RNF144A: variants seen among roughly 807,000 people sequenced by gnomAD.
RNF144A encodes ring finger protein 144A, also known as E3 ubiquitin-protein ligase RNF144A.
In RNF144A, 11 loss-of-function variants were observed where a neutral mutation model predicts 38.7. The ratio of observed to expected loss-of-function variants is 0.28; its 90% CI spans 0.18 to 0.47. RNF144A has a LOEUF of 0.47. Among genes scored for constraint, RNF144A ranks in the 20% least tolerant of loss-of-function variants. The pLI is 0.99. For synonymous variants in RNF144A, 149 were observed against 143.9 expected (o/e 1.04, Z -0.25); for missense variants, 316 against 377.2 (o/e 0.84, Z 1.34).
At chr2:6,988,688 G>A (rs1413235694) in intron 2 of RNF144A, among the ~76,000 whole-genome samples, 2 of 152,150 alleles carry the variant, frequency 1.3e-5, no homozygotes, top group Non-Finnish European at 2.9e-5. Context: ...CTTTTCACGT[G>A]TGTGAGCTCC....
chr2:6,934,690 A>G (rs772035119), intron 1 of RNF144A, among the ~76,000 whole-genome samples: 1 of 152,080 alleles, frequency 6.6e-6, no homozygotes, highest in Non-Finnish European at 1.5e-5. Flanking sequence ...AAAACTGTTT[A>G]GTGAATAACC....
intron 6 of RNF144A, among the ~76,000 whole-genome samples, chr2:7,067,593 A>G (rs566692178): frequency 6.6e-6 from 1 of 152,296 alleles, no homozygotes; most frequent in African/African-American, 2.4e-5. Context: ...TGTTGGAACT[A>G]TCAAGTCCCA....
chr2:7,066,478 C>T (rs1332324087), intron 6 of RNF144A, among the ~76,000 whole-genome samples: 1 of 152,166 alleles, frequency 6.6e-6, no homozygotes, highest in East Asian at 1.9e-4. Context: ...TTACTTTTGC[C>T]TCCTACCCGA....
downstream of RNF144A, among the ~76,000 whole-genome samples, chr2:7,046,169 C>T (rs985791322): frequency 1.3e-5 from 2 of 152,204 alleles, no homozygotes; most frequent in Admixed American, 1.3e-4. Flanking sequence ...GCTGATGTGG[C>T]TCGACCACAA....
At chr2:6,931,956 A>G (rs984915183) in intron 1 of RNF144A, among the ~76,000 whole-genome samples, 7 of 152,140 alleles carry the variant, frequency 4.6e-5, no homozygotes, top group African/African-American at 1.7e-4. Flanking sequence ...ATTCAGTTCA[A>G]CTATGTTCTT....
intron 2 of RNF144A, among the ~76,000 whole-genome samples, chr2:6,948,219 G>T (rs888722640): frequency 6.6e-6 from 1 of 152,214 alleles, no homozygotes; most frequent in East Asian, 1.9e-4. Flanking sequence ...CTGCAGGGCT[G>T]CAGGAATTTG....
intron 2 of RNF144A, among the ~76,000 whole-genome samples, chr2:6,956,782 A>G (rs1176725395): frequency 2.6e-5 from 4 of 152,176 alleles, no homozygotes; most frequent in Admixed American, 6.5e-5. Flanking sequence ...TCCCTCATAC[A>G]TTATCTGATA....
chr2:7,045,903 C>G (rs1288861570), downstream of RNF144A, among the ~76,000 whole-genome samples: 1 of 39,804 alleles, frequency 2.5e-5, no homozygotes, highest in African/African-American at 8.6e-5. Flanking sequence ...GTAGGAATTG[C>G]CCCCCAGAAA....
intron 8 of RNF144A, among the ~76,000 whole-genome samples, chr2:7,036,315 C>T (rs1672673621): frequency 6.6e-6 from 1 of 152,216 alleles, no homozygotes; most frequent in East Asian, 1.9e-4. Context: ...TTCTTTACCC[C>T]AGTCCATCTT....
chr2:7,017,819 A>G (rs557604052), intron 5 of RNF144A, among the ~76,000 whole-genome samples: 1 of 152,330 alleles, frequency 6.6e-6, no homozygotes, highest in South Asian at 2.1e-4. Flanking sequence ...AGGGTGTGAC[A>G]TGCCCCGGCA....
chr2:7,041,651 G>C lies in RNF144A; in HGVS notation c.*1891G>C. 8 of 985,584 alleles carry C rather than the reference G, an allele frequency of 8.1e-6. No homozygotes were observed. Among genetic ancestry groups the C allele is most frequent in the Non-Finnish European group, 9.6e-6 (8 of 829,966 alleles). 61.1% of individuals were successfully genotyped at this position (985,584 alleles called of 1,614,324 possible). On this transcript the variant is annotated 3_prime_UTR_variant, in exon 9 of 9. Coordinates refer to ENST00000320892, the MANE Select transcript of RNF144A (RefSeq NM_014746.6). ...CTTGAGCCCTCAGCCTGTGATATGT[G>C]GATGCAGCTGTCCAGCCACTGCCCT...
At chr2:7,031,734 A>G (rs1672313723) in intron 8 of RNF144A, among the ~76,000 whole-genome samples, 1 of 152,228 alleles carries the variant, frequency 6.6e-6, no homozygotes, top group Non-Finnish European at 1.5e-5. Context: ...ACAATCTTAA[A>G]TGCCGACCAC....
chr2:7,044,162 A>C lies in RNF144A; in HGVS notation c.*4402A>C. The C allele has an allele frequency of 1.0e-6, 1 of 985,728 alleles. No individual in the cohort carries two copies. The highest frequency in any genetic ancestry group is 1.2e-6 in the Non-Finnish European group (1 of 829,938). The allele number at this position is 985,728 out of a possible 1,614,324, so 61.1% of individuals were successfully genotyped here. A position where few individuals can be genotyped will look rare whatever the true frequency, so the allele number is the denominator to read the frequency against. On this transcript the variant is annotated 3_prime_UTR_variant, in exon 9 of 9. Coordinates refer to ENST00000320892, the MANE Select transcript of RNF144A (RefSeq NM_014746.6). ...TTTTTAAAGCTATTTTGGCTGGAAT[A>C]CAGGTGACTTTTGTAAACCCCGCGT... is the stretch of plus-strand genomic sequence containing the variant.
chr2:7,041,252 T>G lies in RNF144A; in HGVS notation c.*1492T>G. The G allele has an allele frequency of 1.0e-6, 1 of 985,712 alleles. No individual in the cohort carries two copies. Among genetic ancestry groups the G allele is most frequent in the Non-Finnish European group, 1.2e-6 (1 of 829,930 alleles). The allele number at this position is 985,712 out of a possible 1,614,324, so 61.1% of individuals were successfully genotyped here. Reference sequence around the variant, plus strand: ...CAAGCACATTTTTAAAATGTTGCTTTGTGTGTGTTTGACTTCTGCATTTGA... The same window carrying G: ...CAAGCACATTTTTAAAATGTTGCTTGGTGTGTGTTTGACTTCTGCATTTGA... On this transcript the variant is annotated 3_prime_UTR_variant, in exon 9 of 9. Transcript: ENST00000320892.
At chr2:6,997,675 G>T (rs1436216949) in intron 3 of RNF144A, among the ~76,000 whole-genome samples, 1 of 152,064 alleles carries the variant, frequency 6.6e-6, no homozygotes, top group African/African-American at 2.4e-5. Flanking sequence ...AGTGTGTGAG[G>T]TTTACTTTTA....
intron 2 of RNF144A, among the ~76,000 whole-genome samples, chr2:6,990,473 AATAT>A: frequency 1.4e-5 from 1 of 72,596 alleles, no homozygotes; most frequent in Non-Finnish European, 3.0e-5. Context: ...TATAACATAT[AATAT>A]ATATAGCATA....
chr2:6,922,856 T>C (rs1025714110), intron 1 of RNF144A, among the ~76,000 whole-genome samples: 6 of 150,796 alleles, frequency 4.0e-5, no homozygotes, highest in African/African-American at 1.5e-4. Context: ...GATCTCCTGA[T>C]CTCATGATCC....
intron 6 of RNF144A, among the ~76,000 whole-genome samples, chr2:7,063,711 A>G (rs1325754821): frequency 6.6e-6 from 1 of 152,136 alleles, no homozygotes; most frequent in Non-Finnish European, 1.5e-5. Context: ...AAAAAATGGG[A>G]GTAGAGAGCA....
At chr2:7,065,830 C>T (rs917192800) in intron 6 of RNF144A, among the ~76,000 whole-genome samples, 2 of 152,174 alleles carry the variant, frequency 1.3e-5, no homozygotes, top group Admixed American at 6.5e-5. Context: ...GAAAAGACTA[C>T]GAAAGTTACT....
Sources: allele counts gnomAD v4.1 joint callset (sites outside exome capture counted in the v4.1 genomes callset), GRCh38; gene constraint gnomAD v4.1.1; transcripts MANE v1.5; gene names NCBI Gene and HGNC (gene_info 2026-07-23, HGNC 2026-07-21).